The following CCNT1 variants were observed in gnomAD, a reference collection of about 807,000 sequenced individuals.
The protein encoded by CCNT1 is cyclin T1.
Under a neutral mutation model 67.3 loss-of-function variants are expected in CCNT1, and 18 were observed. The observed-to-expected ratio is 0.27, with a 90% CI of 0.18 to 0.40. The LOEUF is 0.40. Among genes scored for constraint, CCNT1 ranks in the 10% least tolerant of loss-of-function variants. The pLI is 1.00. For synonymous variants in CCNT1, 333 were observed against 310.3 expected (o/e 1.07, Z -0.77); for missense variants, 744 against 884.9 (o/e 0.84, Z 2.02).
At position 48,692,833 on chromosome 12, in the gene CCNT1, T is replaced by C. The variant is rs1940097214; in HGVS notation, c.*200A>G. Reference sequence around the variant, plus strand: ...ACACCTCTCTAATACCAGTAAAAACTGTAAGAAAATAGTTAAATGCATGAG... The same window carrying C: ...ACACCTCTCTAATACCAGTAAAAACCGTAAGAAAATAGTTAAATGCATGAG... On this transcript the variant is annotated 3_prime_UTR_variant, in exon 9 of 9. Coordinates refer to ENST00000261900, the MANE Select transcript of CCNT1 (RefSeq NM_001240.4). The C allele has an allele frequency of 1.9e-6, 1 of 524,434 alleles. No individual in the cohort carries two copies. The highest frequency in any genetic ancestry group is 3.2e-5 in the Admixed American group (1 of 31,472). The allele number at this position is 524,434 out of a possible 1,614,324, so 32.5% of individuals were successfully genotyped here.
chr12:48,702,332 C>T (rs892838130), intron 3 of CCNT1, among the ~76,000 whole-genome samples: 1 of 152,200 alleles, frequency 6.6e-6, no homozygotes. Flanking sequence ...TAAAAAGTAA[C>T]AGAAGAGTTC....
intron 2 of CCNT1, among the ~76,000 whole-genome samples, chr12:48,710,842 C>T (rs889211463): frequency 3.3e-5 from 5 of 152,096 alleles, no homozygotes; most frequent in South Asian, 2.1e-4. Context: ...GCGGGTGGAT[C>T]GTGAGGTCAG....
At chr12:48,703,887 C>T (rs913223929) in intron 3 of CCNT1, among the ~76,000 whole-genome samples, 3 of 150,434 alleles carry the variant, frequency 2.0e-5, no homozygotes, top group Non-Finnish European at 4.4e-5. Context: ...GATCACACTA[C>T]TGGACTCCAG....
intron 2 of CCNT1, among the ~76,000 whole-genome samples, chr12:48,712,648 T>C (rs1469544797): frequency 7.7e-6 from 1 of 129,460 alleles, no homozygotes; most frequent in Admixed American, 8.0e-5. Flanking sequence ...ACAAATCCAT[T>C]TGAAGTATAC....
chr12:48,705,784 G>A lies in CCNT1; in HGVS notation c.356C>T (p.Pro119Leu). 1.2e-6 allele frequency: 2 copies of A among 1,611,000 alleles called. No homozygotes were observed. Among genetic ancestry groups the A allele is most frequent in the Non-Finnish European group, 1.7e-6 (2 of 1,178,952 alleles). Residue 119 changes from proline (P) to leucine (L), a missense_variant, in exon 3 of 9, where the codon CCT (proline) becomes CTT (leucine). By Grantham distance (98) the Pro-to-Leu change is moderately conservative. This residue lies in a region of CCNT1 where 142 missense variants were observed against 277.0 expected (regional missense o/e 0.51). Transcript: ENST00000261900. ...HTCLHPQESL[P>L]DTRSEAYLQQ... ...ATCTCCTACCTCACTTCTAGTATCAGGAAGGGATTCCTGAGGATGGAGACA... is the reference window on the plus strand; with the variant it reads ...ATCTCCTACCTCACTTCTAGTATCAAGAAGGGATTCCTGAGGATGGAGACA...
rs1940076575 is a variant in CCNT1, at chr12:48,691,704, C to T, written c.*1329G>A. 1 of 152,150 alleles carries T rather than the reference C, an allele frequency of 6.6e-6. No individual in the cohort carries two copies. Among genetic ancestry groups the T allele is most frequent in the African/African-American group, 2.4e-5 (1 of 41,424 alleles). The allele number at this position is 152,150 out of a possible 1,614,324, so 9.4% of individuals were successfully genotyped here. On this transcript the variant is annotated 3_prime_UTR_variant, in exon 9 of 9. Transcript: ENST00000261900. Reference sequence around the variant, plus strand: ...TGAACAATCTAAACACAATAGTATCCATTGGCTAGGCTTTGCTCATTCTCA... The same window carrying T: ...TGAACAATCTAAACACAATAGTATCTATTGGCTAGGCTTTGCTCATTCTCA...
At position 48,699,902 on chromosome 12, in the gene CCNT1, TA is replaced by T. The variant is rs767146041; in HGVS notation, c.434-63del. ...GAAGTTTACATTTTACAAATTATTG[TA>T]AAAGGATAACTGATTGTAAATTACA... On this transcript the variant is annotated intron_variant, in intron 4 of 8. Transcript: ENST00000261900. 8.6e-5 allele frequency: 89 copies of T among 1,029,478 alleles called. 1 individual carries two copies. The highest frequency in any genetic ancestry group is 1.2e-4 in the Non-Finnish European group (80 of 673,076). The allele number at this position is 1,029,478 out of a possible 1,614,324, so 63.8% of individuals were successfully genotyped here. A position where few individuals can be genotyped will look rare whatever the true frequency, so the allele number is the denominator to read the frequency against.
intron 4 of CCNT1, 33 bp from the exon 5 acceptor site, chr12:48,699,873 T>G (rs1940236134): frequency 1.5e-6 from 2 of 1,335,512 alleles, no homozygotes; most frequent in Admixed American, 1.9e-5. Flanking sequence ...TAAAAAACTA[T>G]TAAGAAGTTT....
At chr12:48,700,685 C>T (rs1940250947) in intron 4 of CCNT1, among the ~76,000 whole-genome samples, 1 of 152,124 alleles carries the variant, frequency 6.6e-6, no homozygotes. Context: ...CTGTTACAGG[C>T]CATAACAATC....
In CCNT1 at chr12:48,693,644, G is replaced by A. The variant is rs1940118120; in HGVS notation, c.1570C>T (p.His524Tyr). The A allele has an allele frequency of 6.2e-7, 1 of 1,614,148 alleles. No individual in the cohort carries two copies. The highest frequency in any genetic ancestry group is 8.5e-7 in the Non-Finnish European group (1 of 1,180,030). Residue 524 changes from histidine to tyrosine, a missense_variant, in exon 9 of 9, where the codon CAC becomes TAC. Physicochemically the swap from His to Tyr is moderately conservative, Grantham distance 83. Transcript: ENST00000261900. ...PSNHHHHHNH[H>Y]SHKHSHSQLP... is the part of the protein sequence containing the mutation. ...TGGGAATGAGAGTGCTTGTGTGAGT[G>A]GTGATTATGATGATGATGATGATTA...
At chr12:48,701,648 C>T (rs1940271480) in intron 3 of CCNT1, among the ~76,000 whole-genome samples, 3 of 151,586 alleles carry the variant, frequency 2.0e-5, no homozygotes, top group African/African-American at 7.3e-5. Context: ...GCTCTTGTTG[C>T]CCAGGCTGGA....
At position 48,706,687 on chromosome 12, in the gene CCNT1, T is replaced by C. The variant is rs1940365180; in HGVS notation, c.244-791A>G. ...GAACATTTCAGTGACTCAAAGATAG[T>C]AATGCTAAGAGCTGTATTTCACCAG... On this transcript the variant is annotated intron_variant, in intron 2 of 8. Coordinates refer to ENST00000261900, the MANE Select transcript of CCNT1 (RefSeq NM_001240.4). Among the ~76,000 whole-genome samples, 3 of 152,194 alleles carry C rather than the reference T, an allele frequency of 2.0e-5. No individual in the cohort carries two copies. The South Asian group carries it at 6.2e-4, about 31-fold the overall frequency.
intron 3 of CCNT1, among the ~76,000 whole-genome samples, chr12:48,704,949 T>C (rs1431458841): frequency 1.3e-5 from 2 of 151,944 alleles, no homozygotes; most frequent in African/African-American, 4.8e-5. Context: ...CCCAAAACCA[T>C]CTCCAACCCC....
At chr12:48,696,918 T>C (rs1476224420) in intron 6 of CCNT1, among the ~76,000 whole-genome samples, 1 of 152,124 alleles carries the variant, frequency 6.6e-6, no homozygotes, top group Admixed American at 6.5e-5. Context: ...CAGCACCCTC[T>C]GCCTCCTGGG....
Position 48,689,194 on chromosome 12 carries a change from T to G in CCNT1, c.*3839A>C, listed in dbSNP as rs990174689. 2 of 152,232 alleles carry G rather than the reference T, an allele frequency of 1.3e-5. No individual in the cohort carries two copies. The highest frequency in any genetic ancestry group is 4.8e-5 in the African/African-American group (2 of 41,452). The allele number at this position is 152,232 out of a possible 1,614,324, so 9.4% of individuals were successfully genotyped here. ...ACTCACAAAGGGGAAGAGTAGACAC[T>G]GCTTTTAGTAAACGTCCTTTTTCTT... On this transcript the variant is annotated 3_prime_UTR_variant, in exon 9 of 9. Coordinates refer to ENST00000261900, the MANE Select transcript of CCNT1 (RefSeq NM_001240.4).
chr12:48,704,258 C>A lies in CCNT1; in HGVS notation c.372+1510G>T, dbSNP rs1940318897. On this transcript the variant is annotated intron_variant, in intron 3 of 8. Coordinates refer to ENST00000261900, the MANE Select transcript of CCNT1 (RefSeq NM_001240.4). ...ATGGCCTGTTATGAACTAGGCCACA[C>A]AGCAGGAGTTGAGCAGCAGGTACGA... Among the ~76,000 whole-genome samples the A allele has an allele frequency of 2.0e-5, 3 of 152,178 alleles. No homozygotes were observed. In the South Asian group the frequency reaches 6.2e-4, roughly 32 times the overall value.
Position 48,694,075 on chromosome 12 carries a change from T to A in CCNT1, c.1139A>T (p.Lys380Met). ...TGACACTTTAGCTGATGGCACACTCTTACTATTCTGCTTCTGGGAAATAAA... is the reference window on the plus strand; with the variant it reads ...TGACACTTTAGCTGATGGCACACTCATACTATTCTGCTTCTGGGAAATAAA... ...NAFISQKQNS[K>M]SVPSAKVSLK... The change falls in exon 9 of 9, where the codon AAG becomes ATG. Residue 380 changes from lysine to methionine, a missense_variant. Lys to Met is a moderately conservative substitution (Grantham distance 95). Transcript: ENST00000261900. 1 of 1,614,236 alleles carries A rather than the reference T, an allele frequency of 6.2e-7. No individual in the cohort carries two copies. The highest frequency in any genetic ancestry group is 1.1e-5 in the South Asian group (1 of 91,086).
At chr12:48,703,829 G>A (rs553660796) in intron 3 of CCNT1, among the ~76,000 whole-genome samples, 48 of 151,918 alleles carry the variant, frequency 3.2e-4, no homozygotes, top group African/African-American at 1.1e-3. Flanking sequence ...GGGATGCTGA[G>A]GTCAGGGGGA....
intron 5 of CCNT1, 66 bp downstream of exon 5, chr12:48,699,712 C>T: frequency 8.6e-7 from 1 of 1,169,506 alleles, no homozygotes; most frequent in Non-Finnish European, 1.3e-6. Context: ...GTATTGTCCA[C>T]CACAAACCAC....
Sources: allele counts gnomAD v4.1 joint callset (sites outside exome capture counted in the v4.1 genomes callset), GRCh38; gene constraint gnomAD v4.1.1; regional missense constraint gnomAD v4.1.1; transcripts MANE v1.5; gene names NCBI Gene and HGNC (gene_info 2026-07-23, HGNC 2026-07-21).